Variants in TENM2 observed in about 807,000 individuals in gnomAD.
TENM2 encodes teneurin transmembrane protein 2, also known as teneurin-2.
Under a neutral mutation model 245.2 loss-of-function variants are expected in TENM2, and 52 were observed. The ratio of observed to expected loss-of-function variants is 0.21; its 90% CI spans 0.17 to 0.27. TENM2 has a LOEUF of 0.27. Ranked by LOEUF, TENM2 falls within the 10% of genes least tolerant of loss-of-function variation. The pLI, the probability that TENM2 is intolerant of heterozygous loss-of-function variation, is 1.00. For missense variants in TENM2, 3,046 were observed against 3,666.8 expected (o/e 0.83, Z 4.37); for synonymous variants, 1,363 against 1,438.9 (o/e 0.95, Z 1.19).
At chr5:167,048,383 G>T in the TENM2 span, among the ~76,000 whole-genome samples, 9 of 152,274 alleles carry the variant, frequency 5.9e-5, no homozygotes, top group South Asian at 2.1e-4. Flanking sequence ...GGAGGGGAAA[G>T]AATTTGAAGG....
chr5:168,261,274 T>C (rs1367992978), intron 28 of TENM2, among the ~76,000 whole-genome samples: 1 of 152,156 alleles, frequency 6.6e-6, no homozygotes, highest in Non-Finnish European at 1.5e-5. Context: ...GCCAAGGAGA[T>C]AATGGTGATT....
intron 2 of TENM2, among the ~76,000 whole-genome samples, chr5:167,527,768 T>C (rs1771219246): frequency 6.6e-6 from 1 of 152,284 alleles, no homozygotes; most frequent in Non-Finnish European, 1.5e-5. Context: ...CAGTAGGCAC[T>C]CAATAAATGC....
the TENM2 span, among the ~76,000 whole-genome samples, chr5:167,171,258 A>G: frequency 6.6e-6 from 1 of 152,052 alleles, no homozygotes; most frequent in Admixed American, 6.6e-5. Context: ...TACCATAACT[A>G]TACATTTGTT....
intron 2 of TENM2, among the ~76,000 whole-genome samples, chr5:167,384,820 A>G (rs927343994): frequency 6.6e-5 from 10 of 152,238 alleles, no homozygotes; most frequent in African/African-American, 1.7e-4. Flanking sequence ...TATACCACAA[A>G]GAGTCTACCT....
intron 1 of TENM2, among the ~76,000 whole-genome samples, chr5:167,327,548 G>A (rs1395451539): frequency 6.6e-6 from 1 of 152,122 alleles, no homozygotes; most frequent in Admixed American, 6.5e-5. Context: ...ATAAATTGTT[G>A]TTTATAGAAG....
At chr5:167,847,631 T>G (rs1272482261) in intron 2 of TENM2, among the ~76,000 whole-genome samples, 1 of 152,216 alleles carries the variant, frequency 6.6e-6, no homozygotes, top group Non-Finnish European at 1.5e-5. Context: ...AGTTAGCGCA[T>G]CTCCACCATT....
chr5:167,601,103 A>G lies in TENM2; in HGVS notation c.502+225630A>G, dbSNP rs545899038. The stretch of plus-strand genomic sequence containing the variant: ...AAGTTTTCAATCCATTTGGGCAGTA[A>G]TTGCACCAATATACCTAATTAACAG... On this transcript the variant is annotated intron_variant, in intron 2 of 28. Coordinates refer to ENST00000518659, the Ensembl canonical transcript of TENM2. 6.8e-4 allele frequency among the ~76,000 whole-genome samples: 103 copies of G among 152,358 alleles called. No homozygotes were observed. In the Middle Eastern group the frequency reaches 0.01, roughly 15 times the overall value.
intron 1 of TENM2, among the ~76,000 whole-genome samples, chr5:167,312,573 G>A (rs1246268980): frequency 6.6e-6 from 1 of 151,962 alleles, no homozygotes; most frequent in Non-Finnish European, 1.5e-5. Flanking sequence ...TCCTAGGGAG[G>A]GCTGTATCAT....
intron 1 of TENM2, among the ~76,000 whole-genome samples, chr5:167,373,981 G>A (rs553521246): frequency 3.3e-5 from 5 of 152,300 alleles, no homozygotes; most frequent in Admixed American, 3.3e-4. Context: ...AGGTCCCCAT[G>A]TGCACACATT....
At chr5:167,705,241 G>T (rs1226844041) in intron 2 of TENM2, among the ~76,000 whole-genome samples, 1 of 152,170 alleles carries the variant, frequency 6.6e-6, no homozygotes, top group Non-Finnish European at 1.5e-5. Context: ...GCATATGACT[G>T]GGACTGTGCT....
intron 2 of TENM2, among the ~76,000 whole-genome samples, chr5:167,719,283 G>A (rs67298145): frequency 0.15 from 22,494 of 152,176 alleles, 1,800 homozygotes; most frequent in African/African-American, 0.18. Flanking sequence ...TGAAGACTCC[G>A]CGGGACCAAG....
chr5:167,991,205 C>T (rs1170811903), intron 4 of TENM2, among the ~76,000 whole-genome samples: 1 of 152,176 alleles, frequency 6.6e-6, no homozygotes, highest in Non-Finnish European at 1.5e-5. Context: ...CTACTGAAGA[C>T]ATCAAGAGAA....
At chr5:167,196,060 C>T in the TENM2 span, among the ~76,000 whole-genome samples, 1 of 152,018 alleles carries the variant, frequency 6.6e-6, no homozygotes, top group Admixed American at 6.6e-5. Flanking sequence ...GAGCAAGCAT[C>T]GCAGAATGTG....
At chr5:167,627,771 G>A (rs1778605683) in intron 2 of TENM2, among the ~76,000 whole-genome samples, 2 of 152,026 alleles carry the variant, frequency 1.3e-5, no homozygotes, top group Admixed American at 6.5e-5. Context: ...TGGCCAGGCT[G>A]GGCTCGAACT....
Position 167,543,369 on chromosome 5 carries a change from A to C in TENM2, c.502+167896A>C, listed in dbSNP as rs1222397578. 2.6e-5 allele frequency among the ~76,000 whole-genome samples: 4 copies of C among 152,280 alleles called. No homozygotes were observed. The East Asian group carries it at 7.7e-4, about 29-fold the overall frequency. Reference sequence around the variant, plus strand: ...GACAGTTTTAATTCAAGGGGAAGTAAAATAGACTCTTTCCTCTTGAGAGGA... The same window carrying C: ...GACAGTTTTAATTCAAGGGGAAGTACAATAGACTCTTTCCTCTTGAGAGGA... On this transcript the variant is annotated intron_variant, in intron 2 of 28. Coordinates refer to ENST00000518659, the Ensembl canonical transcript of TENM2.
intron 7 of TENM2, among the ~76,000 whole-genome samples, chr5:168,083,210 C>T (rs2617989): frequency 0.41 from 63,042 of 152,000 alleles, 14,135 homozygotes; most frequent in African/African-American, 0.58. Context: ...ACTGCTGTGC[C>T]AGCAATAACC....
the TENM2 span, among the ~76,000 whole-genome samples, chr5:167,013,204 C>A: frequency 6.6e-6 from 1 of 152,094 alleles, no homozygotes; most frequent in Non-Finnish European, 1.5e-5. Context: ...ACTTAACTCC[C>A]ACATTATTCC....
intron 4 of TENM2, among the ~76,000 whole-genome samples, chr5:167,975,388 T>G (rs1782361238): frequency 1.3e-5 from 2 of 152,016 alleles, no homozygotes; most frequent in South Asian, 4.1e-4. Flanking sequence ...TGCCTTAGAG[T>G]ATATTAAGTG....
rs549001905 is a variant in TENM2 at position 167,663,587 on chromosome 5, T to C, written c.503-212399T>C. Among the ~76,000 whole-genome samples the C allele has an allele frequency of 2.6e-5, 4 of 152,288 alleles. No individual in the cohort carries two copies. In the South Asian group the frequency reaches 8.3e-4, roughly 32 times the overall value. ...TTATTGTATCTAGGATTTTTTGCAG[T>C]TTCTAAATCTGAGGATTCAGATTAC... On this transcript the variant is annotated intron_variant, in intron 2 of 28. Transcript: ENST00000518659.
Sources: allele counts gnomAD v4.1 joint callset (sites outside exome capture counted in the v4.1 genomes callset), GRCh38; gene constraint gnomAD v4.1.1; transcripts MANE v1.5; gene names NCBI Gene and HGNC (gene_info 2026-07-23, HGNC 2026-07-21).